Variants in ARMC8 observed in about 807,000 individuals in gnomAD.
ARMC8 encodes armadillo repeat-containing protein 8.
ARMC8 carries 20 observed loss-of-function variants against 99.3 expected under a neutral mutation model. The ratio of observed to expected loss-of-function variants is 0.20; its 90% confidence interval spans 0.14 to 0.29. ARMC8 has a LOEUF of 0.29. Ranked by LOEUF, ARMC8 falls within the 10% of genes least tolerant of loss-of-function variation. ARMC8 has a pLI of 1.00. For missense variants in ARMC8, 569 were observed against 809.5 expected, an observed-to-expected ratio of 0.70 and a Z score of 3.60; for synonymous variants, 263 against 278.3, an observed-to-expected ratio of 0.95 and a Z score of 0.55.
At position 138,295,990 on chromosome 3, in the gene ARMC8, T is replaced by C; in HGVS notation, c.*98T>C. 7.5e-7 allele frequency: 1 copy of C among 1,340,596 alleles called. No homozygotes were observed. The highest frequency in any genetic ancestry group is 1.0e-6 in the Non-Finnish European group (1 of 964,160). The allele number at this position is 1,340,596 out of a possible 1,614,324, so 83.0% of individuals were successfully genotyped here. A position where few individuals can be genotyped will look rare whatever the true frequency, so the allele number is the denominator to read the frequency against. Reference sequence around the variant, plus strand: ...ATTCCTTCTATTTGCACAAGTCACCTTGGACTGCAGGGAGCTGTTTTGCAA... The same window carrying C: ...ATTCCTTCTATTTGCACAAGTCACCCTGGACTGCAGGGAGCTGTTTTGCAA... On this transcript the variant is annotated 3_prime_UTR_variant, in exon 22 of 22. Coordinates refer to ENST00000469044, the MANE Select transcript of ARMC8 (RefSeq NM_001363941.2).
In ARMC8 at chr3:138,223,689, A is replaced by G; in HGVS notation, c.391A>G (p.Thr131Ala). The change falls in exon 5 of 22, where the codon ACC becomes GCC. Residue 131 changes from threonine (T) to alanine (A), a missense_variant. Thr to Ala is a moderately conservative substitution (Grantham distance 58). Transcript: ENST00000469044. ...FIEACLRCLR[T>A]IFTSPVTPEE... The stretch of plus-strand genomic sequence containing the variant: ...TGAAGCTTGCCTCCGATGCCTGCGT[A>G]CCATCTTCACCAGTCCTGTCACTCC... The G allele has an allele frequency of 6.2e-7, 1 of 1,614,222 alleles. No homozygotes were observed. The highest frequency in any genetic ancestry group is 8.5e-7 in the Non-Finnish European group (1 of 1,180,038).
At chr3:138,268,737 C>T (rs1315522842) in intron 15 of ARMC8, among the ~76,000 whole-genome samples, 1 of 151,812 alleles carries the variant, frequency 6.6e-6, no homozygotes, top group Non-Finnish European at 1.5e-5. Flanking sequence ...GATCATGCCA[C>T]TGCACTCCAG....
chr3:138,243,521 A>C (rs1159549018), intron 11 of ARMC8, among the ~76,000 whole-genome samples: 1 of 152,228 alleles, frequency 6.6e-6, no homozygotes, highest in Admixed American at 6.5e-5. Context: ...AGATACTTTT[A>C]GAACTTATCA....
At chr3:138,275,669 T>G (rs1372477795) in intron 18 of ARMC8, among the ~76,000 whole-genome samples, 2 of 152,226 alleles carry the variant, frequency 1.3e-5, no homozygotes, top group Non-Finnish European at 1.5e-5. Context: ...CTTCAGGGGC[T>G]GTGCTTCTCA....
chr3:138,236,625 C>A (rs1441825544), intron 7 of ARMC8, among the ~76,000 whole-genome samples: 1 of 152,048 alleles, frequency 6.6e-6, no homozygotes, highest in East Asian at 1.9e-4. Context: ...TTCTTCATAC[C>A]CCAGCTACCT....
At chr3:138,191,550 CAT>C (rs556894893) in intron 1 of ARMC8, among the ~76,000 whole-genome samples, 29 of 152,212 alleles carry the variant, frequency 1.9e-4, no homozygotes, top group African/African-American at 4.3e-4. Flanking sequence ...CATTTTATCA[CAT>C]GTTTATTTGT....
chr3:138,229,763 G>A (rs781148751), intron 6 of ARMC8, among the ~76,000 whole-genome samples: 4 of 152,018 alleles, frequency 2.6e-5, no homozygotes, highest in Admixed American at 1.3e-4. Flanking sequence ...GATAACCATG[G>A]GTGATTACTT....
chr3:138,239,491 G>T lies in ARMC8; in HGVS notation c.800G>T (p.Gly267Val). Residue 267 changes from glycine (G) to valine (V), a missense_variant, in exon 10 of 22, where the codon GGA becomes GTA. Gly to Val is a moderately radical substitution (Grantham distance 109). Coordinates refer to ENST00000469044, the MANE Select transcript of ARMC8 (RefSeq NM_001363941.2). The part of the protein sequence containing the change: ...AKCLTYMCRA[G>V]AIRTDDNCIV... ...AGTTTAACTTACATGTGTAGAGCTG[G>T]AGCAATTCGGACAGATGATAACTGT... 1.2e-6 allele frequency: 2 copies of T among 1,602,346 alleles called. No individual in the cohort carries two copies. Among genetic ancestry groups the T allele is most frequent in the South Asian group, 1.1e-5 (1 of 87,636 alleles).
At chr3:138,236,981 C>T (rs1157972889) in intron 7 of ARMC8, among the ~76,000 whole-genome samples, 1 of 152,150 alleles carries the variant, frequency 6.6e-6, no homozygotes. Context: ...CTTTGAAAGC[C>T]ACTTGGTAAT....
chr3:138,209,195 T>C (rs2044559409), intron 1 of ARMC8, among the ~76,000 whole-genome samples: 1 of 152,234 alleles, frequency 6.6e-6, no homozygotes, highest in Non-Finnish European at 1.5e-5. Context: ...TAATTATACG[T>C]ACATGACACC....
chr3:138,259,881 T>A (rs2047599890), intron 12 of ARMC8, among the ~76,000 whole-genome samples: 1 of 152,186 alleles, frequency 6.6e-6, no homozygotes, highest in Non-Finnish European at 1.5e-5. Context: ...AAATTCCTGT[T>A]CTTGAGAAAA....
In ARMC8 at chr3:138,297,833, C is replaced by G. The variant is rs980656675; in HGVS notation, c.*1941C>G. The G allele has an allele frequency of 1.3e-5, 2 of 152,126 alleles. No individual in the cohort carries two copies. Among genetic ancestry groups the G allele is most frequent in the African/African-American group, 4.8e-5 (2 of 41,418 alleles). 9.4% of individuals were successfully genotyped at this position (152,126 alleles called of 1,614,324 possible). A position where few individuals can be genotyped will look rare whatever the true frequency, so the allele number is the denominator to read the frequency against. Reference sequence around the variant, plus strand: ...ATATCCTTGGTTGGCATTTTTAACACAAAACACTATAGTGTTGGTATTAAA... The same window carrying G: ...ATATCCTTGGTTGGCATTTTTAACAGAAAACACTATAGTGTTGGTATTAAA... On this transcript the variant is annotated 3_prime_UTR_variant, in exon 22 of 22. Transcript: ENST00000469044.
chr3:138,259,726 C>T (rs948025492), intron 12 of ARMC8, among the ~76,000 whole-genome samples: 1 of 152,168 alleles, frequency 6.6e-6, no homozygotes, highest in African/African-American at 2.4e-5. Context: ...ACTTGGAAAG[C>T]GTTTACCAGC....
At chr3:138,286,321 C>T (rs576779055) in intron 19 of ARMC8, among the ~76,000 whole-genome samples, 1 of 152,242 alleles carries the variant, frequency 6.6e-6, no homozygotes, top group East Asian at 1.9e-4. Flanking sequence ...TTTTTAACCT[C>T]CTCTGTTTCA....
chr3:138,205,122 G>A (rs1367471313), intron 1 of ARMC8, among the ~76,000 whole-genome samples: 1 of 132,696 alleles, frequency 7.5e-6, no homozygotes, highest in Non-Finnish European at 1.5e-5. Flanking sequence ...AGGCTGGAGT[G>A]CAGTGACGTG....
intron 21 of ARMC8, 88 bp from the exon 22 acceptor site, chr3:138,295,771 C>T (rs2051431376): frequency 6.8e-7 from 1 of 1,474,494 alleles, no homozygotes; most frequent in South Asian, 1.2e-5. Context: ...CTTTTTTAGA[C>T]TTCCCCAGCT....
chr3:138,229,187 T>C (rs1344233096), intron 6 of ARMC8, 177 bp downstream of exon 6: 3 of 111,266 alleles, frequency 2.7e-5, no homozygotes, highest in African/African-American at 8.1e-5. Context: ...TATATATGTA[T>C]ATGTATATGT....
chr3:138,237,038 G>C (rs1039304632), intron 7 of ARMC8, among the ~76,000 whole-genome samples: 3 of 152,126 alleles, frequency 2.0e-5, no homozygotes, highest in Middle Eastern at 3.4e-3. Flanking sequence ...ATTTTGTATA[G>C]TGTTCTTTTA....
At chr3:138,273,417 G>A (rs2048970013) in intron 17 of ARMC8, among the ~76,000 whole-genome samples, 1 of 152,134 alleles carries the variant, frequency 6.6e-6, no homozygotes, top group African/African-American at 2.4e-5. Context: ...TTCTTACCTG[G>A]TATGCTGTCC....
Sources: gnomAD v4.1 joint callset for allele counts (sites outside exome capture counted in the v4.1 genomes callset) on GRCh38, gnomAD v4.1.1 for gene constraint, MANE v1.5 for transcripts, NCBI Gene and HGNC (gene_info 2026-07-23, HGNC 2026-07-21) for gene names.